Variants in MYH13 observed in about 807,000 individuals in gnomAD.
MYH13 encodes the protein myosin-13.
A neutral mutation model predicts 232.1 loss-of-function variants in MYH13; 177 were observed. The observed-to-expected ratio is 0.76, with a 90% CI of 0.67 to 0.86. The LOEUF (loss-of-function observed/expected upper bound fraction) is 0.86. Ranked by LOEUF, MYH13 falls within the 40% of genes least tolerant of loss-of-function variation. The pLI, the probability that MYH13 is intolerant of heterozygous loss-of-function variation, is 0.00. For missense variants in MYH13, 2,246 were observed against 2,405.9 expected (o/e 0.93, Z 1.39); for synonymous variants, 884 against 923.5 (o/e 0.96, Z 0.78).
chr17:10,306,504 CAG>C lies in MYH13; in HGVS notation c.5419_5420del (p.Leu1807GlyfsTer22), dbSNP rs1567654719. On this transcript the variant is annotated frameshift_variant, in exon 37 of 41. Coordinates refer to ENST00000252172, the MANE Select transcript of MYH13 (RefSeq NM_003802.3). LOFTEE classifies it high-confidence loss of function. The surrounding 1 kb of genome is among the most constrained non-coding windows in gnomAD (Gnocchi z 4.3). ...TCTGCTTCTTCCCGCCCTTCAGCGCCAGTTGTTCAGCCTCATCTAGACGGTGC... is the reference window on the plus strand; with the variant it reads ...TCTGCTTCTTCCCGCCCTTCAGCGCCTTGTTCAGCCTCATCTAGACGGTGC... ...LQHRLDEAEQLALKGGKKQIQ... is the reference protein window; with the variant it reads ...LQHRLDEAEQXALKGGKKQIQ... 6.2e-7 allele frequency: 1 copy of C among 1,614,132 alleles called. No individual in the cohort carries two copies. The highest frequency in any genetic ancestry group is 1.7e-5 in the Admixed American group (1 of 60,010).
At chr17:10,362,648 A>G (rs868580572) in intron 3 of MYH13, 145 bp from the exon 4 acceptor site, 29 of 1,177,096 alleles carry the variant, frequency 2.5e-5, no homozygotes, top group Non-Finnish European at 2.8e-5. Context: ...CCATGCCCCA[A>G]CATGATCCAT....
rs377381885 is a variant in MYH13, at chr17:10,340,345, C to T, written c.1951G>A (p.Val651Met). ...ACACCAACCCTGAACACGGCCGACA[C>T]GGTCTGGAAAGAGGAGCCCTTCTTC... ...GKKKGSSFQTVSAVFRENLNK... is the reference protein window; with the variant it reads ...GKKKGSSFQTMSAVFRENLNK... The change falls in exon 17 of 41, where the codon GTG (valine) becomes ATG (methionine). Residue 651 changes from valine (V) to methionine (M), a missense_variant. By Grantham distance (21) the Val-to-Met change is conservative. Coordinates refer to ENST00000252172, the MANE Select transcript of MYH13 (RefSeq NM_003802.3). 116 of 1,613,782 alleles carry T rather than the reference C, an allele frequency of 7.2e-5. No homozygotes were observed. The highest frequency in any genetic ancestry group is 1.6e-4 in the Middle Eastern group (1 of 6,084).
chr17:10,364,648 A>G lies in MYH13; in HGVS notation c.-12-106T>C, dbSNP rs369059044. ...AACGGGGCCAGATTCAAAGGCTCCTAGATTGAACATAGGTCCTGAGGGATC... is the reference window on the plus strand; with the variant it reads ...AACGGGGCCAGATTCAAAGGCTCCTGGATTGAACATAGGTCCTGAGGGATC... On this transcript the variant is annotated intron_variant, in intron 2 of 40. Coordinates refer to ENST00000252172, the MANE Select transcript of MYH13 (RefSeq NM_003802.3). 4.1e-5 allele frequency: 40 copies of G among 975,452 alleles called. 1 individual carries two copies. In the African/African-American group the frequency reaches 4.6e-4, roughly 11 times the overall value. The allele number at this position is 975,452 out of a possible 1,614,324, so 60.4% of individuals were successfully genotyped here.
intron 1 of MYH13, among the ~76,000 whole-genome samples, chr17:10,371,658 G>A (rs2071878565): frequency 6.6e-6 from 1 of 152,140 alleles, no homozygotes; most frequent in South Asian, 2.1e-4. Flanking sequence ...AAAGTACTAT[G>A]GGAACTTAGA....
At chr17:10,339,696 G>A (rs2071606494) in intron 18 of MYH13, among the ~76,000 whole-genome samples, 1 of 152,172 alleles carries the variant, frequency 6.6e-6, no homozygotes, top group Admixed American at 6.5e-5. Context: ...AGATACAGAT[G>A]CCCTGCTGAA....
intron 19 of MYH13, among the ~76,000 whole-genome samples, chr17:10,332,459 G>A (rs571720883): frequency 2.0e-5 from 3 of 152,182 alleles, no homozygotes; most frequent in Non-Finnish European, 2.9e-5. Context: ...GCCCAGCTGA[G>A]TGCATGGCGG....
At chr17:10,314,652 T>G (rs1027178627) in intron 29 of MYH13, among the ~76,000 whole-genome samples, 1 of 152,186 alleles carries the variant, frequency 6.6e-6, no homozygotes, top group African/African-American at 2.4e-5. Flanking sequence ...AGGTGGAGCT[T>G]GGGAAAATTC....
rs1288159441 is a variant in MYH13, at chr17:10,304,103, A to C, written c.5467-605T>G. On this transcript the variant is annotated intron_variant, in intron 37 of 40. Coordinates refer to ENST00000252172, the MANE Select transcript of MYH13 (RefSeq NM_003802.3). The surrounding 1 kb of genome is among the most constrained non-coding windows in gnomAD (Gnocchi z 5.3). ...GGTCACAGTAAAGGGAAGATCATAC[A>C]CTGGGACCTGTCAGGGGGCAGGGGG... Among the ~76,000 whole-genome samples, 1 of 152,148 alleles carries C rather than the reference A, an allele frequency of 6.6e-6. No individual in the cohort carries two copies. The highest frequency in any genetic ancestry group is 1.5e-5 in the Non-Finnish European group (1 of 68,020).
At chr17:10,357,600 G>C (rs1466219256) in intron 8 of MYH13, 135 bp downstream of exon 8, 1 of 708,900 alleles carries the variant, frequency 1.4e-6, no homozygotes, top group Non-Finnish European at 2.4e-6. Context: ...TTCCAGGTGG[G>C]TAGATTGATC....
chr17:10,331,996 G>T, intron 20 of MYH13, 103 bp downstream of exon 20: 2 of 1,470,184 alleles, frequency 1.4e-6, no homozygotes, highest in Non-Finnish European at 1.9e-6. Context: ...GGCAAGGACG[G>T]TCAGGTGGAC....
intron 20 of MYH13, among the ~76,000 whole-genome samples, chr17:10,330,974 A>G (rs1907390611): frequency 6.6e-6 from 1 of 151,934 alleles, no homozygotes; most frequent in South Asian, 2.1e-4. Flanking sequence ...CAGAGATTGC[A>G]CCATTGCACT....
chr17:10,346,824 C>G, intron 12 of MYH13, 26 bp from the exon 13 acceptor site: 1 of 1,559,150 alleles, frequency 6.4e-7, no homozygotes, highest in South Asian at 1.1e-5. Context: ...AAAATGGCAT[C>G]ATGCAAAAAC....
At chr17:10,362,776 T>A (rs909731132) in intron 3 of MYH13, among the ~76,000 whole-genome samples, 1 of 152,158 alleles carries the variant, frequency 6.6e-6, no homozygotes, top group Non-Finnish European at 1.5e-5. Flanking sequence ...TGTGCAGAGC[T>A]TTGGAGCCCT....
intron 18 of MYH13, among the ~76,000 whole-genome samples, chr17:10,337,836 C>G (rs945526695): frequency 6.6e-6 from 1 of 152,144 alleles, no homozygotes; most frequent in Non-Finnish European, 1.5e-5. Context: ...GGGCATATCA[C>G]GAGGTCAGGA....
Position 10,321,518 on chromosome 17 carries a change from T to C in MYH13, c.3111+14A>G, listed in dbSNP as rs955907690. 6.2e-6 allele frequency: 10 copies of C among 1,608,400 alleles called. No individual in the cohort carries two copies. In the African/African-American group the frequency reaches 1.2e-4, roughly 19 times the overall value. ...AGTGATAAATGCTAAAGCATAGTAG[T>C]AAAATATCCTCACATCATCTGTTTG... On this transcript the variant is annotated intron_variant, in intron 24 of 40. Transcript: ENST00000252172.
At chr17:10,318,695 T>G in intron 27 of MYH13, 95 bp downstream of exon 27, 4 of 1,484,146 alleles carry the variant, frequency 2.7e-6, no homozygotes, top group Non-Finnish European at 3.7e-6. Context: ...GTGTAGAACA[T>G]GCAGTGGTTT....
chr17:10,316,186 C>T (rs960640804), intron 27 of MYH13, among the ~76,000 whole-genome samples, 161 bp from the exon 28 acceptor site: 6 of 152,158 alleles, frequency 3.9e-5, no homozygotes, highest in South Asian at 2.1e-4. Flanking sequence ...ATCGGCCAGG[C>T]GCAGTGGCTC....
chr17:10,312,518 C>T (rs1018037996), intron 31 of MYH13, 56 bp downstream of exon 31: 33 of 1,534,364 alleles, frequency 2.2e-5, no homozygotes, highest in Middle Eastern at 1.7e-4. Context: ...AATAGCATTT[C>T]CCCAACTTGA....
intron 12 of MYH13, 54 bp downstream of exon 12, chr17:10,350,502 C>T: frequency 6.3e-7 from 1 of 1,578,294 alleles, no homozygotes; most frequent in Non-Finnish European, 8.6e-7. Flanking sequence ...CACGGCCTCG[C>T]CCGCACATGA....
Sources: gnomAD v4.1 joint callset for allele counts (sites outside exome capture counted in the v4.1 genomes callset) on GRCh38, gnomAD v4.1.1 for gene constraint, Gnocchi (gnomAD v3.1) non-coding constraint, MANE v1.5 for transcripts, NCBI Gene and HGNC (gene_info 2026-07-23, HGNC 2026-07-21) for gene names.